The following ATP13A4 variants were observed in gnomAD, a reference collection of about 807,000 sequenced individuals.
ATP13A4 encodes the protein ATPase 13A4, also known as probable cation-transporting ATPase 13A4.
ATP13A4 carries 114 observed loss-of-function variants against 142.5 expected under a neutral mutation model. The observed-to-expected ratio is 0.80, with a 90% CI of 0.69 to 0.93. The LOEUF is 0.93. Among genes scored for constraint, ATP13A4 ranks in the 40% least tolerant of loss-of-function variants. The pLI, the probability that ATP13A4 is intolerant of heterozygous loss-of-function variation, is 0.00. For synonymous variants in ATP13A4, 488 were observed against 514.8 expected, an observed-to-expected ratio of 0.95 and a Z score of 0.70; for missense variants, 1,392 against 1,454.0, an observed-to-expected ratio of 0.96 and a Z score of 0.69.
chr3:193,422,442 C>T (rs1336739060), intron 25 of ATP13A4, among the ~76,000 whole-genome samples: 1 of 100,500 alleles, frequency 1.0e-5, no homozygotes, highest in Non-Finnish European at 2.3e-5. Context: ...TTCTAATGCG[C>T]ATGGAACATT....
At chr3:193,496,624 C>T (rs886768669) in intron 3 of ATP13A4, among the ~76,000 whole-genome samples, 1 of 151,944 alleles carries the variant, frequency 6.6e-6, no homozygotes, top group African/African-American at 2.4e-5. Flanking sequence ...AACCATGTCT[C>T]TACTAAAAGT....
At position 193,541,818 on chromosome 3, in the gene ATP13A4, G is replaced by C. The variant is rs377381964; in HGVS notation, c.60+12922C>G. ...TTAAAAAGCAAAAATGATTCAGTCA[G>C]AGCCAGTGAGAAGAAAGAGTATTTG... On this transcript the variant is annotated intron_variant, in intron 1 of 29. Transcript: ENST00000342695. Among the ~76,000 whole-genome samples, 3 of 152,190 alleles carry C rather than the reference G, an allele frequency of 2.0e-5. No individual in the cohort carries two copies. In the East Asian group the frequency reaches 5.8e-4, roughly 29 times the overall value.
chr3:193,423,302 C>T (rs762875430), intron 25 of ATP13A4, among the ~76,000 whole-genome samples: 7 of 149,468 alleles, frequency 4.7e-5, no homozygotes, highest in Admixed American at 1.4e-4. Context: ...GAACTAATAT[C>T]GATTCTATTC....
chr3:193,582,394 G>A (rs548869432), intron 1 of ATP13A4, among the ~76,000 whole-genome samples: 4 of 148,854 alleles, frequency 2.7e-5, no homozygotes, highest in East Asian at 2.0e-4. Context: ...TGATCCGTCC[G>A]CCTCAGCCTC....
chr3:193,442,638 A>G, intron 18 of ATP13A4, 82 bp from the exon 19 acceptor site: 1 of 1,363,680 alleles, frequency 7.3e-7, no homozygotes, highest in South Asian at 1.2e-5. Context: ...CAGAGCAGGG[A>G]GTTCAGTCCT....
At chr3:193,544,994 GA>G (rs1469240136) in intron 1 of ATP13A4, among the ~76,000 whole-genome samples, 1 of 152,146 alleles carries the variant, frequency 6.6e-6, no homozygotes, top group Non-Finnish European at 1.5e-5. Context: ...AGTCAGGAGA[GA>G]AGAGAGAAAC....
intron 24 of ATP13A4, among the ~76,000 whole-genome samples, chr3:193,434,962 A>G (rs1341843273): frequency 6.6e-6 from 1 of 152,224 alleles, no homozygotes; most frequent in Non-Finnish European, 1.5e-5. Context: ...TGTTAAACAA[A>G]GCCAATACAA....
At chr3:193,431,699 T>C (rs1422653446) in intron 25 of ATP13A4, among the ~76,000 whole-genome samples, 1 of 151,324 alleles carries the variant, frequency 6.6e-6, no homozygotes, top group Non-Finnish European at 1.5e-5. Flanking sequence ...TATACATTTA[T>C]ATATACACAC....
At chr3:193,586,733 C>T (rs774187671) in intron 1 of ATP13A4, among the ~76,000 whole-genome samples, 6 of 152,160 alleles carry the variant, frequency 3.9e-5, no homozygotes, top group African/African-American at 1.4e-4. Context: ...GGCCTTATGC[C>T]AATACCACAC....
intron 1 of ATP13A4, among the ~76,000 whole-genome samples, chr3:193,589,877 T>C (rs1033843890): frequency 6.6e-6 from 1 of 151,872 alleles, no homozygotes; most frequent in Admixed American, 6.6e-5. Flanking sequence ...GTATGTCTGT[T>C]GTATAATGTC....
At position 193,465,246 on chromosome 3, in the gene ATP13A4, G is replaced by C. The variant is rs533285958; in HGVS notation, c.1273-118C>G. Reference sequence around the variant, plus strand: ...CTTGTCGCCCAGGCTGGAATACAGTGGTGTGATCTCAGCTCATTGCAACCT... The same window carrying C: ...CTTGTCGCCCAGGCTGGAATACAGTCGTGTGATCTCAGCTCATTGCAACCT... On this transcript the variant is annotated intron_variant, in intron 11 of 29. Transcript: ENST00000342695. The C allele has an allele frequency of 4.7e-4, 528 of 1,112,408 alleles. 6 individuals are homozygous for C. The South Asian group carries it at 7.1e-3, about 15-fold the overall frequency. 68.9% of individuals were successfully genotyped at this position (1,112,408 alleles called of 1,614,324 possible). A position where few individuals can be genotyped will look rare whatever the true frequency, so the allele number is the denominator to read the frequency against.
At chr3:193,583,611 G>GA (rs1359836611) in intron 1 of ATP13A4, among the ~76,000 whole-genome samples, 2 of 151,384 alleles carry the variant, frequency 1.3e-5, no homozygotes, top group Admixed American at 1.3e-4. Context: ...TGTTACAGTA[G>GA]AAAGATCCAA....
At chr3:193,421,770 C>A (rs1307363641) in intron 25 of ATP13A4, among the ~76,000 whole-genome samples, 2 of 149,436 alleles carry the variant, frequency 1.3e-5, no homozygotes, top group Non-Finnish European at 3.0e-5. Context: ...TTCATGGTAA[C>A]TACAAAGCAA....
chr3:193,504,291 G>C (rs918782256), intron 2 of ATP13A4, among the ~76,000 whole-genome samples: 1 of 152,102 alleles, frequency 6.6e-6, no homozygotes, highest in Non-Finnish European at 1.5e-5. Context: ...ACATGGTCTA[G>C]GTATGGTAGA....
rs116749110 is a variant in ATP13A4, at chr3:193,449,154, T to C, written c.2028-824A>G. 9.3e-3 allele frequency among the ~76,000 whole-genome samples: 1,409 copies of C among 152,298 alleles called. 25 individuals carry two copies. The highest frequency in any genetic ancestry group is 0.033 in the African/African-American group (1,361 of 41,564). On this transcript the variant is annotated intron_variant, in intron 17 of 29. Transcript: ENST00000342695. ...ACCAGCTGGTAGCAATGATCTTCTG[T>C]ATCAAGCGTGAATGTTTCTGCAAAT...
chr3:193,571,515 C>T (rs1273924357), intron 2 of ATP13A4, among the ~76,000 whole-genome samples: 4 of 152,044 alleles, frequency 2.6e-5, no homozygotes, highest in Non-Finnish European at 5.9e-5. Flanking sequence ...AGTGGAGAAA[C>T]CTACCAAATA....
At chr3:193,504,981 G>T (rs1482151275) in intron 2 of ATP13A4, among the ~76,000 whole-genome samples, 4 of 152,270 alleles carry the variant, frequency 2.6e-5, no homozygotes, top group African/African-American at 9.6e-5. Flanking sequence ...CAATTCTCCA[G>T]TGTTGGTATT....
chr3:193,505,890 A>G (rs868651550), intron 2 of ATP13A4, among the ~76,000 whole-genome samples: 2 of 152,338 alleles, frequency 1.3e-5, no homozygotes, highest in South Asian at 4.1e-4. Context: ...CCAGCTCTAA[A>G]CTGTCTTACA....
chr3:193,469,022 C>A (rs888845902), intron 9 of ATP13A4, among the ~76,000 whole-genome samples: 1 of 152,128 alleles, frequency 6.6e-6, no homozygotes, highest in Admixed American at 6.5e-5. Flanking sequence ...AGATGAGAGG[C>A]CTGGACGAGA....
Sources: allele counts gnomAD v4.1 joint callset (sites outside exome capture counted in the v4.1 genomes callset), GRCh38; gene constraint gnomAD v4.1.1; transcripts MANE v1.5; gene names NCBI Gene and HGNC (gene_info 2026-07-23, HGNC 2026-07-21).